The following EFCAB13 variants were observed in gnomAD, a reference collection of about 807,000 sequenced individuals.
EFCAB13 encodes EF-hand calcium-binding domain-containing protein 13.
In EFCAB13, 91 loss-of-function variants were observed where a neutral mutation model predicts 110.2. That is an observed-to-expected ratio of 0.83 (90% CI 0.70 to 0.98). The LOEUF is 0.98. EFCAB13 is among the 50% of genes least tolerant of loss of function. EFCAB13 has a pLI of 0.00. For missense variants in EFCAB13, 968 were observed against 1,119.4 expected (o/e 0.86, Z 1.93); for synonymous variants, 323 against 369.9 (o/e 0.87, Z 1.45).
chr17:47,373,814 T>G (rs939771776), intron 11 of EFCAB13, among the ~76,000 whole-genome samples: 2 of 152,170 alleles, frequency 1.3e-5, no homozygotes, highest in Non-Finnish European at 2.9e-5. Context: ...TAGGCAAAAT[T>G]TATTCATAGT....
chr17:47,395,782 A>G, intron 16 of EFCAB13, 52 bp from the exon 17 acceptor site: 2 of 1,524,542 alleles, frequency 1.3e-6, no homozygotes, highest in Non-Finnish European at 1.8e-6. Context: ...AGTTTACTGT[A>G]TTAACTTCTT....
chr17:47,440,337 A>C (rs79049935), intron 24 of EFCAB13, 94 bp from the exon 25 acceptor site: 26,724 of 1,279,684 alleles, frequency 0.021, 811 homozygotes, highest in East Asian at 0.17. Flanking sequence ...CAAGCTTTTA[A>C]CTTCTGTTAT....
Position 47,416,381 on chromosome 17 carries a change from A to AT in EFCAB13, c.2494+1469dup, listed in dbSNP as rs1302244888. Among the ~76,000 whole-genome samples, 5 of 152,062 alleles carry AT rather than the reference A, an allele frequency of 3.3e-5. No homozygotes were observed. The South Asian group carries it at 8.3e-4, about 25-fold the overall frequency. ...TTTCATATAGATGTAATCATATTGT[A>AT]TTTTTTTGTGTCTAACTTCTTTTAT... On this transcript the variant is annotated intron_variant, in intron 23 of 24. Coordinates refer to ENST00000331493, the MANE Select transcript of EFCAB13 (RefSeq NM_152347.5).
chr17:47,413,798 A>G (rs1448764493), intron 22 of EFCAB13, among the ~76,000 whole-genome samples: 2 of 152,270 alleles, frequency 1.3e-5, no homozygotes, highest in African/African-American at 2.4e-5. Context: ...GAGTCAATAA[A>G]TATAGTATTT....
At chr17:47,393,576 G>A (rs2065719989) in intron 15 of EFCAB13, among the ~76,000 whole-genome samples, 1 of 151,822 alleles carries the variant, frequency 6.6e-6, no homozygotes, top group African/African-American at 2.4e-5. Flanking sequence ...AAATTAACTG[G>A]GCATGGTGAC....
At chr17:47,330,399 G>C (rs1342373330) in intron 4 of EFCAB13, among the ~76,000 whole-genome samples, 1 of 151,952 alleles carries the variant, frequency 6.6e-6, no homozygotes, top group Non-Finnish European at 1.5e-5. Flanking sequence ...GGCTTTTAGT[G>C]TACCTGTTAC....
chr17:47,355,766 T>A (rs1664554471), intron 9 of EFCAB13, among the ~76,000 whole-genome samples: 1 of 151,964 alleles, frequency 6.6e-6, no homozygotes, highest in African/African-American at 2.4e-5. Context: ...AGAGACGGGG[T>A]TTCACCAGGT....
At chr17:47,396,097 C>A in intron 17 of EFCAB13, 120 bp downstream of exon 17, 1 of 711,696 alleles carries the variant, frequency 1.4e-6, no homozygotes, top group Non-Finnish European at 2.1e-6. Context: ...ATTGAAATGC[C>A]AACATATGCA....
intron 10 of EFCAB13, among the ~76,000 whole-genome samples, chr17:47,366,906 T>C (rs1311695272): frequency 6.6e-6 from 1 of 152,230 alleles, no homozygotes; most frequent in Non-Finnish European, 1.5e-5. Flanking sequence ...AAAGGAGTTT[T>C]CTAAATGAAG....
rs140181680 is a variant in EFCAB13 at position 47,344,220 on chromosome 17, T to C, written c.362T>C (p.Leu121Ser). 4.3e-6 allele frequency: 7 copies of C among 1,613,206 alleles called. 1 individual carries two copies. Among genetic ancestry groups the C allele is most frequent in the African/African-American group, 2.7e-5 (2 of 74,888 alleles). The change falls in exon 7 of 25, where the codon TTA becomes TCA. Residue 121 changes from leucine to serine, a missense_variant. By Grantham distance (145) the Leu-to-Ser change is moderately radical. Coordinates refer to ENST00000331493, the MANE Select transcript of EFCAB13 (RefSeq NM_152347.5). ...AAGGTGACAAGGAAAGAAAACTCTT[T>C]ATGCAAGTTGCCGAATCAGTACAGC... Reference protein sequence around the residue: ...KEKVTRKENSLCKLPNQYSVH... With the variant: ...KEKVTRKENSSCKLPNQYSVH...
chr17:47,411,384 A>C (rs2065833913), intron 21 of EFCAB13, among the ~76,000 whole-genome samples: 1 of 152,184 alleles, frequency 6.6e-6, no homozygotes, highest in South Asian at 2.1e-4. Flanking sequence ...ACTCAGTTCA[A>C]ATGTCATTTC....
chr17:47,421,042 G>C lies in EFCAB13; in HGVS notation c.2494+6123G>C, dbSNP rs369983192. ...AGGTGGGGGGGTCAGCCCCCCGCCC[G>C]GCCAGCCACCCCGCCCGGGAGGTGA... is the stretch of plus-strand genomic sequence containing the variant. On this transcript the variant is annotated intron_variant, in intron 23 of 24. Coordinates refer to ENST00000331493, the MANE Select transcript of EFCAB13 (RefSeq NM_152347.5). Among the ~76,000 whole-genome samples the C allele has an allele frequency of 1.0e-3, 150 of 150,306 alleles. 3 individuals carry two copies. The East Asian group carries it at 0.024, about 24-fold the overall frequency.
intron 15 of EFCAB13, among the ~76,000 whole-genome samples, chr17:47,391,857 G>A (rs72825683): frequency 0.088 from 13,366 of 151,856 alleles, 847 homozygotes; most frequent in East Asian, 0.35. Flanking sequence ...CAAAAATGCA[G>A]ACAAAAAGAA....
intron 14 of EFCAB13, 64 bp downstream of exon 14, chr17:47,379,317 T>G (rs1051735572): frequency 7.7e-7 from 1 of 1,306,878 alleles, no homozygotes; most frequent in African/African-American, 1.4e-5. Context: ...AAGAATTAGG[T>G]TCAACAGAAC....
intron 15 of EFCAB13, 128 bp downstream of exon 15, chr17:47,391,708 T>A (rs1009200471): frequency 6.4e-6 from 5 of 780,138 alleles, no homozygotes; most frequent in Non-Finnish European, 9.4e-6. Context: ...ATACAAAAAG[T>A]ATGGAAATAC....
chr17:47,344,052 A>G, intron 6 of EFCAB13, 110 bp from the exon 7 acceptor site: 1 of 1,256,016 alleles, frequency 8.0e-7, no homozygotes, highest in South Asian at 2.1e-5. Context: ...AGCATAATTA[A>G]TGAGGAGCCA....
In EFCAB13 at chr17:47,379,231, G is replaced by A. The variant is rs763412739; in HGVS notation, c.1560G>A (p.Glu520=). The A allele has an allele frequency of 9.9e-6, 16 of 1,613,340 alleles. No individual in the cohort carries two copies. Among genetic ancestry groups the A allele is most frequent in the East Asian group, 4.5e-5 (2 of 44,852 alleles). Residue 520 remains glutamate (E), a synonymous_variant, in exon 14 of 25, where the codon GAG becomes GAA. Coordinates refer to ENST00000331493, the MANE Select transcript of EFCAB13 (RefSeq NM_152347.5). ...ACTTTGTAAATGCTCTCGCCAAGGAGCGAAGTTTTCCTGAATGCAATGGTA... is the reference window on the plus strand; with the variant it reads ...ACTTTGTAAATGCTCTCGCCAAGGAACGAAGTTTTCCTGAATGCAATGGTA... ...LDDFVNALAK[E]RSFPECNALP...
chr17:47,387,515 T>C (rs1281836874), intron 14 of EFCAB13, among the ~76,000 whole-genome samples: 1 of 152,252 alleles, frequency 6.6e-6, no homozygotes, highest in African/African-American at 2.4e-5. Context: ...TATTTATAAT[T>C]GTTATATCCT....
At chr17:47,394,182 C>G in intron 16 of EFCAB13, 83 bp downstream of exon 16, 2 of 820,144 alleles carry the variant, frequency 2.4e-6, no homozygotes, top group Admixed American at 2.9e-5. Flanking sequence ...CTCTTTTAGT[C>G]TCTTATAGAG....
Sources: gnomAD v4.1 joint callset for allele counts (sites outside exome capture counted in the v4.1 genomes callset) on GRCh38, gnomAD v4.1.1 for gene constraint, MANE v1.5 for transcripts, NCBI Gene and HGNC (gene_info 2026-07-23, HGNC 2026-07-21) for gene names.